CAMK4: variants seen among roughly 807,000 people sequenced by gnomAD.
The protein encoded by CAMK4 is calcium/calmodulin dependent protein kinase IV.
CAMK4 carries 22 observed loss-of-function variants against 44.9 expected under a neutral mutation model. The observed-to-expected ratio is 0.49, with a 90% CI of 0.35 to 0.70. The LOEUF (loss-of-function observed/expected upper bound fraction) is 0.70, where lower values mean the gene tolerates loss of function less well. CAMK4 is among the 30% of genes least tolerant of loss of function. The probability of loss-of-function intolerance (pLI) is 0.01; values close to 1 mark genes in which losing one functional copy is unlikely to be tolerated. For synonymous variants in CAMK4, 218 were observed against 215.4 expected, an observed-to-expected ratio of 1.01 and a Z score of -0.11; for missense variants, 498 against 586.8, an observed-to-expected ratio of 0.85 and a Z score of 1.56.
At chr5:111,432,308 A>G (rs1033189015) in intron 5 of CAMK4, among the ~76,000 whole-genome samples, 3 of 152,110 alleles carry the variant, frequency 2.0e-5, no homozygotes, top group African/African-American at 4.8e-5. Flanking sequence ...AATCAAATCA[A>G]TTGAACTCAT....
intron 1 of CAMK4, among the ~76,000 whole-genome samples, chr5:111,326,715 A>C (rs1432366668): frequency 6.6e-6 from 1 of 151,842 alleles, no homozygotes; most frequent in Non-Finnish European, 1.5e-5. Context: ...ACATTCTGTG[A>C]ATGTTGCCAT....
At chr5:111,481,477 G>A (rs922160172) in intron 9 of CAMK4, among the ~76,000 whole-genome samples, 16 of 152,112 alleles carry the variant, frequency 1.1e-4, no homozygotes, top group Non-Finnish European at 2.4e-4. Flanking sequence ...ACATTCTTTT[G>A]CAGAAAGGAA....
chr5:111,421,817 G>C (rs939541699), intron 5 of CAMK4, among the ~76,000 whole-genome samples: 10 of 152,112 alleles, frequency 6.6e-5, no homozygotes, highest in African/African-American at 2.4e-4. Flanking sequence ...GTCATGGGAG[G>C]GACCCTGTTG....
chr5:111,269,780 T>A (rs1374392979), intron 1 of CAMK4, among the ~76,000 whole-genome samples: 3 of 152,090 alleles, frequency 2.0e-5, no homozygotes, highest in Non-Finnish European at 4.4e-5. Flanking sequence ...GCCACCTTCT[T>A]GTACTTGTGG....
chr5:111,401,029 C>G (rs1472313450), intron 5 of CAMK4, among the ~76,000 whole-genome samples: 1 of 152,182 alleles, frequency 6.6e-6, no homozygotes, highest in Admixed American at 6.5e-5. Context: ...CCTTTCTTCC[C>G]TTTTTCTAGC....
rs529464650 is a variant in CAMK4, at chr5:111,470,696, AAG to A, written c.626-2613_626-2612del. ...AGAAATTTTAAGATAAAGAAACAAAAAGAAGTCAGAAGGAACCAAGTTACTAC... is the reference window on the plus strand; with the variant it reads ...AGAAATTTTAAGATAAAGAAACAAAAAAGTCAGAAGGAACCAAGTTACTAC... On this transcript the variant is annotated intron_variant, in intron 7 of 10. Coordinates refer to ENST00000282356, the MANE Select transcript of CAMK4 (RefSeq NM_001744.6). 2.2e-3 allele frequency among the ~76,000 whole-genome samples: 331 copies of A among 152,320 alleles called. 2 individuals carry two copies. Among genetic ancestry groups the A allele is most frequent in the Middle Eastern group, 0.017 (5 of 294 alleles).
intron 1 of CAMK4, among the ~76,000 whole-genome samples, chr5:111,292,642 T>TGA (rs1156350236): frequency 2.0e-5 from 3 of 152,006 alleles, no homozygotes; most frequent in African/African-American, 7.2e-5. Flanking sequence ...TATTTGAGGG[T>TGA]CAAGCATGCT....
chr5:111,475,754 G>C (rs755348861), intron 8 of CAMK4, among the ~76,000 whole-genome samples: 2 of 152,100 alleles, frequency 1.3e-5, no homozygotes, highest in Non-Finnish European at 2.9e-5. Flanking sequence ...TTTAATAATT[G>C]GTGAAGTCCA....
intron 1 of CAMK4, among the ~76,000 whole-genome samples, chr5:111,225,789 T>C (rs1241922036): frequency 6.6e-6 from 1 of 152,246 alleles, no homozygotes; most frequent in Non-Finnish European, 1.5e-5. Flanking sequence ...TCATTGAATA[T>C]AGATGTGTAA....
At chr5:111,443,690 G>A (rs566548348) in intron 5 of CAMK4, among the ~76,000 whole-genome samples, 155 of 152,066 alleles carry the variant, frequency 1.0e-3, no homozygotes, top group Non-Finnish European at 1.8e-3. Context: ...CATTTAGTGA[G>A]GATCTTCATA....
chr5:111,284,841 AT>A (rs547376080), intron 1 of CAMK4, among the ~76,000 whole-genome samples: 1,732 of 152,056 alleles, frequency 0.011, 34 homozygotes, highest in African/African-American at 0.039. Flanking sequence ...ATCTAACTTG[AT>A]TTTTTTTGTT....
At chr5:111,479,690 A>G (rs1438835342) in intron 9 of CAMK4, among the ~76,000 whole-genome samples, 2 of 152,114 alleles carry the variant, frequency 1.3e-5, no homozygotes, top group East Asian at 3.9e-4. Context: ...TTTTTCTTCA[A>G]GCATTTCTTC....
chr5:111,320,101 T>C (rs1470899954), intron 1 of CAMK4, among the ~76,000 whole-genome samples: 1 of 152,094 alleles, frequency 6.6e-6, no homozygotes, highest in Non-Finnish European at 1.5e-5. Context: ...ATCACAAAAT[T>C]GGAGGAGGTG....
rs34855193 is a variant in CAMK4, at chr5:111,410,511, T to C, written c.459+15729T>C. Among the ~76,000 whole-genome samples, 15 of 152,258 alleles carry C rather than the reference T, an allele frequency of 9.9e-5. No individual in the cohort carries two copies. In the East Asian group the frequency reaches 1.5e-3, roughly 16 times the overall value. The stretch of plus-strand genomic sequence containing the variant: ...TAGTAAAGAGTGAATAACACTACTG[T>C]ATGTCTGTGTTATTCTTTCATTGAT... On this transcript the variant is annotated intron_variant, in intron 5 of 10. Transcript: ENST00000282356.
chr5:111,293,046 C>T (rs755730298), intron 1 of CAMK4, among the ~76,000 whole-genome samples: 1 of 152,122 alleles, frequency 6.6e-6, no homozygotes, highest in Non-Finnish European at 1.5e-5. Context: ...AATTTTATAT[C>T]GGAAGCATTG....
chr5:111,487,264 T>C lies in CAMK4; in HGVS notation c.*2798T>C, dbSNP rs183130519. On this transcript the variant is annotated 3_prime_UTR_variant, in exon 11 of 11. Coordinates refer to ENST00000282356, the MANE Select transcript of CAMK4 (RefSeq NM_001744.6). ...TTTTACATTTTAGAGCTAACACTTATCACATTACATTATGGGTTTTTATTT... is the reference window on the plus strand; with the variant it reads ...TTTTACATTTTAGAGCTAACACTTACCACATTACATTATGGGTTTTTATTT... The C allele has an allele frequency of 6.6e-6, 1 of 152,310 alleles. No individual in the cohort carries two copies. The highest frequency in any genetic ancestry group is 6.5e-5 in the Admixed American group (1 of 15,300). The allele number at this position is 152,310 out of a possible 1,614,324, so 9.4% of individuals were successfully genotyped here.
chr5:111,478,232 G>A (rs1755315000), intron 8 of CAMK4, 149 bp from the exon 9 acceptor site: 1 of 417,258 alleles, frequency 2.4e-6, no homozygotes, highest in South Asian at 6.2e-5. Flanking sequence ...ATAGTGAATT[G>A]TAATAAGGCA....
At chr5:111,242,934 A>G (rs936756747) in intron 1 of CAMK4, among the ~76,000 whole-genome samples, 2 of 152,068 alleles carry the variant, frequency 1.3e-5, no homozygotes, top group Admixed American at 6.5e-5. Context: ...CTTGGCTCAG[A>G]TGCAGGCAGC....
At chr5:111,259,677 A>G (rs1651404) in intron 1 of CAMK4, among the ~76,000 whole-genome samples, 47,962 of 152,030 alleles carry the variant, frequency 0.32, 7,902 homozygotes, top group South Asian at 0.43. Flanking sequence ...TATCTCCTAC[A>G]TGTTCTGGTT....
Sources: gnomAD v4.1 joint callset for allele counts (sites outside exome capture counted in the v4.1 genomes callset) on GRCh38, gnomAD v4.1.1 for gene constraint, MANE v1.5 for transcripts, NCBI Gene and HGNC (gene_info 2026-07-23, HGNC 2026-07-21) for gene names.